The following AGBL4 variants were observed in gnomAD, a reference collection of about 807,000 sequenced individuals.
AGBL4 encodes the protein cytosolic carboxypeptidase 6.
In AGBL4, 58 loss-of-function variants were observed where a neutral mutation model predicts 66.4. The observed-to-expected ratio is 0.87, with a 90% confidence interval of 0.71 to 1.09. The LOEUF (loss-of-function observed/expected upper bound fraction) is 1.09. Ranked by LOEUF, AGBL4 falls within the 50% of genes least tolerant of loss-of-function variation. AGBL4 has a pLI of 0.00. For synonymous variants in AGBL4, 234 were observed against 222.9 expected (o/e 1.05, Z -0.44); for missense variants, 579 against 631.0 (o/e 0.92, Z 0.88).
At chr1:49,475,769 G>A (rs567688834) in intron 3 of AGBL4, among the ~76,000 whole-genome samples, 13 of 152,114 alleles carry the variant, frequency 8.5e-5, no homozygotes, top group African/African-American at 1.9e-4. Flanking sequence ...GGGATTGGTC[G>A]TGATGTTACC....
At chr1:49,212,439 A>G (rs893755669) in intron 4 of AGBL4, among the ~76,000 whole-genome samples, 1 of 152,134 alleles carries the variant, frequency 6.6e-6, no homozygotes, top group African/African-American at 2.4e-5. Context: ...CTGAACACTG[A>G]CGTTATCAAT....
At chr1:49,874,117 A>C (rs866422365) in intron 1 of AGBL4, among the ~76,000 whole-genome samples, 1 of 152,102 alleles carries the variant, frequency 6.6e-6, no homozygotes, top group African/African-American at 2.4e-5. Flanking sequence ...ACCTGAAAAT[A>C]ATGTTTTTAC....
At position 48,650,422 on chromosome 1, in the gene AGBL4, T is replaced by G. The variant is rs114385130; in HGVS notation, c.839+2915A>C. ...TCCTGGGAAGTCTGGCTCTCTTTAC[T>G]GCACTAGAATTCTGAGAACCAACCT... On this transcript the variant is annotated intron_variant, in intron 8 of 13. Coordinates refer to ENST00000371839, the MANE Select transcript of AGBL4 (RefSeq NM_032785.4). Among the ~76,000 whole-genome samples, 437 of 150,490 alleles carry G rather than the reference T, an allele frequency of 2.9e-3. 1 individual carries two copies. Among genetic ancestry groups the G allele is most frequent in the African/African-American group, 9.8e-3 (402 of 40,948 alleles).
chr1:49,585,317 A>C (rs75701058), intron 3 of AGBL4, among the ~76,000 whole-genome samples: 1 of 152,026 alleles, frequency 6.6e-6, no homozygotes, highest in African/African-American at 2.4e-5. Context: ...ATTCTAAACA[A>C]CTCTACCCTG....
At chr1:49,802,700 A>T (rs1644890665) in intron 2 of AGBL4, among the ~76,000 whole-genome samples, 1 of 152,196 alleles carries the variant, frequency 6.6e-6, no homozygotes, top group Admixed American at 6.5e-5. Flanking sequence ...TGGTATATCC[A>T]GTGCATTGTT....
intron 1 of AGBL4, among the ~76,000 whole-genome samples, chr1:49,948,092 G>GTAAA (rs1279816109): frequency 1.4e-4 from 11 of 78,572 alleles, no homozygotes; most frequent in East Asian, 8.7e-4. Flanking sequence ...GTAAATATAT[G>GTAAA]TATATGTATA....
rs531573431 is a variant in AGBL4 at position 49,555,856 on chromosome 1, C to A, written c.282+141457G>T. 1.6e-3 allele frequency among the ~76,000 whole-genome samples: 247 copies of A among 152,068 alleles called. 2 individuals carry two copies. The South Asian group carries it at 0.021, about 13-fold the overall frequency. ...ATCATCTCACACCAGTTAGAATGGA[C>A]ATCATTAAAAAGTCAGGAAACAACA... is the stretch of plus-strand genomic sequence containing the variant. On this transcript the variant is annotated intron_variant, in intron 3 of 13. Transcript: ENST00000371839.
chr1:49,576,347 G>GA (rs1384383381), intron 3 of AGBL4, among the ~76,000 whole-genome samples: 1 of 152,218 alleles, frequency 6.6e-6, no homozygotes, highest in African/African-American at 2.4e-5. Context: ...ATATGACCCA[G>GA]CAGATCCAAT....
At position 49,513,558 on chromosome 1, in the gene AGBL4, A is replaced by G. The variant is rs1649471733; in HGVS notation, c.282+183755T>C. Among the ~76,000 whole-genome samples, 3 of 151,986 alleles carry G rather than the reference A, an allele frequency of 2.0e-5. No homozygotes were observed. The South Asian group carries it at 6.2e-4, about 31-fold the overall frequency. On this transcript the variant is annotated intron_variant, in intron 3 of 13. Transcript: ENST00000371839. Reference sequence around the variant, plus strand: ...TAATTTGCTTAGGATTATGGCCTCCAGCTCCATTCATGTTGCTTCAAAGGA... The same window carrying G: ...TAATTTGCTTAGGATTATGGCCTCCGGCTCCATTCATGTTGCTTCAAAGGA...
At chr1:49,885,159 G>A (rs971582114) in intron 1 of AGBL4, among the ~76,000 whole-genome samples, 6 of 151,752 alleles carry the variant, frequency 4.0e-5, no homozygotes, top group Admixed American at 2.6e-4. Context: ...AAACACCTTC[G>A]AAGAGGTAAA....
chr1:48,663,568 A>T (rs760951535), intron 6 of AGBL4, among the ~76,000 whole-genome samples: 1 of 152,150 alleles, frequency 6.6e-6, no homozygotes, highest in South Asian at 2.1e-4. Context: ...TATCCTTTCC[A>T]AGTTTCCATT....
chr1:49,163,628 A>G (rs1408126172), intron 4 of AGBL4, among the ~76,000 whole-genome samples: 1 of 152,230 alleles, frequency 6.6e-6, no homozygotes, highest in East Asian at 1.9e-4. Context: ...TATTCTCAAT[A>G]AACGTCTGTT....
At chr1:48,986,657 G>C (rs1042062676) in intron 5 of AGBL4, among the ~76,000 whole-genome samples, 1 of 152,002 alleles carries the variant, frequency 6.6e-6, no homozygotes, top group African/African-American at 2.4e-5. Flanking sequence ...AGCATTAAAG[G>C]AAGTGCTTCG....
Position 49,014,534 on chromosome 1 carries a change from G to A in AGBL4, c.594+31050C>T, listed in dbSNP as rs1019240380. Among the ~76,000 whole-genome samples, 19 of 152,298 alleles carry A rather than the reference G, an allele frequency of 1.2e-4. No individual in the cohort carries two copies. In the East Asian group the frequency reaches 3.7e-3, roughly 29 times the overall value. ...TTCGTTCACTGCTGAATTCCTCCCA[G>A]TGTTATTTCTAAACCTGCCCTCTGT... On this transcript the variant is annotated intron_variant, in intron 5 of 13. Coordinates refer to ENST00000371839, the MANE Select transcript of AGBL4 (RefSeq NM_032785.4).
chr1:49,010,818 G>C (rs1662340097), intron 5 of AGBL4, among the ~76,000 whole-genome samples: 2 of 152,030 alleles, frequency 1.3e-5, no homozygotes, highest in African/African-American at 4.8e-5. Context: ...GGGAAAACTA[G>C]CTAGCCATAT....
At chr1:49,237,551 T>TG (rs1650880844) in intron 4 of AGBL4, among the ~76,000 whole-genome samples, 1 of 12,438 alleles carries the variant, frequency 8.0e-5, no homozygotes, top group Non-Finnish European at 2.6e-4. Context: ...TATATATATA[T>TG]ATATATATAT....
chr1:49,042,239 T>C (rs554790485), intron 5 of AGBL4, among the ~76,000 whole-genome samples: 55 of 152,104 alleles, frequency 3.6e-4, no homozygotes, highest in Non-Finnish European at 5.4e-4. Flanking sequence ...GAGGAATTCC[T>C]CGAGGATAAT....
chr1:49,830,540 T>C (rs1321466631), intron 2 of AGBL4, among the ~76,000 whole-genome samples: 1 of 152,216 alleles, frequency 6.6e-6, no homozygotes, highest in Non-Finnish European at 1.5e-5. Context: ...GCAAAATTTT[T>C]CTCCAATTTT....
At chr1:49,688,151 C>T (rs1383275758) in intron 3 of AGBL4, among the ~76,000 whole-genome samples, 1 of 152,138 alleles carries the variant, frequency 6.6e-6, no homozygotes, top group African/African-American at 2.4e-5. Flanking sequence ...CTAGCAAATA[C>T]TAGGTCTTAT....
Sources: allele counts gnomAD v4.1 joint callset (sites outside exome capture counted in the v4.1 genomes callset), GRCh38; gene constraint gnomAD v4.1.1; transcripts MANE v1.5; gene names NCBI Gene and HGNC (gene_info 2026-07-23, HGNC 2026-07-21).